The following RAB7A variants were observed in gnomAD, a reference collection of about 807,000 sequenced individuals.
The protein encoded by RAB7A is ras-related protein Rab-7a.
RAB7A carries 2 observed loss-of-function variants against 24.5 expected under a neutral mutation model. The observed-to-expected ratio is 0.08, with a 90% CI of 0.03 to 0.26. RAB7A has a LOEUF of 0.26. Ranked by LOEUF, RAB7A falls within the 10% of genes least tolerant of loss-of-function variation. The pLI is 1.00. For synonymous variants in RAB7A, 100 were observed against 95.9 expected, an observed-to-expected ratio of 1.04 and a Z score of -0.25; for missense variants, 118 against 255.7, an observed-to-expected ratio of 0.46 and a Z score of 3.67.
chr3:128,763,206 ATATTTTTTT>A (rs1325469424), intron 1 of RAB7A, among the ~76,000 whole-genome samples: 1 of 100,494 alleles, frequency 1.0e-5, no homozygotes, highest in East Asian at 2.5e-4. Context: ...ATATATATAT[ATATTTTTTT>A]TTTTTTTTTT....
At chr3:128,727,527 C>T (rs950119016) in intron 1 of RAB7A, among the ~76,000 whole-genome samples, 6 of 152,162 alleles carry the variant, frequency 3.9e-5, no homozygotes, top group Non-Finnish European at 8.8e-5. Context: ...ATGCCGTTTG[C>T]GACTTATCAC....
At chr3:128,775,074 G>A (rs553592973) in intron 1 of RAB7A, among the ~76,000 whole-genome samples, 6 of 152,326 alleles carry the variant, frequency 3.9e-5, no homozygotes, top group South Asian at 2.1e-4. Context: ...GAGCCACTGC[G>A]CCCGGCCGAC....
chr3:128,791,534 T>C (rs1933452503), intron 1 of RAB7A, among the ~76,000 whole-genome samples: 1 of 152,266 alleles, frequency 6.6e-6, no homozygotes, highest in African/African-American at 2.4e-5. Context: ...ATTTGACTTT[T>C]GTTTAACTTT....
intron 1 of RAB7A, among the ~76,000 whole-genome samples, chr3:128,762,535 G>A (rs2070783295): frequency 6.6e-6 from 1 of 152,140 alleles, no homozygotes; most frequent in Non-Finnish European, 1.5e-5. Context: ...AAGACCTGAA[G>A]GATTACTTAA....
At chr3:128,745,655 C>T (rs2070606304) in intron 1 of RAB7A, among the ~76,000 whole-genome samples, 1 of 152,228 alleles carries the variant, frequency 6.6e-6, no homozygotes, top group African/African-American at 2.4e-5. Flanking sequence ...CCTGAGCCAC[C>T]AGGCCCGGGT....
intron 1 of RAB7A, among the ~76,000 whole-genome samples, chr3:128,775,355 C>T (rs569800573): frequency 3.3e-5 from 5 of 152,306 alleles, no homozygotes; most frequent in Admixed American, 3.3e-4. Context: ...CGTTAGTCTC[C>T]ACCCTTCCTC....
chr3:128,810,497 G>GGAAGTGCC (rs1933900967), intron 5 of RAB7A, among the ~76,000 whole-genome samples: 1 of 152,314 alleles, frequency 6.6e-6, no homozygotes, highest in South Asian at 2.1e-4. Flanking sequence ...GGAAGTCCAT[G>GGAAGTGCC]AGCAAGGTGC....
At chr3:128,806,083 A>G (rs1266165240) in intron 3 of RAB7A, among the ~76,000 whole-genome samples, 2 of 152,228 alleles carry the variant, frequency 1.3e-5, no homozygotes, top group African/African-American at 4.8e-5. Context: ...CAAATTTTAC[A>G]CACTTACCTA....
chr3:128,784,071 G>A (rs985115525), intron 1 of RAB7A, among the ~76,000 whole-genome samples: 9 of 152,082 alleles, frequency 5.9e-5, no homozygotes, highest in South Asian at 2.1e-4. Context: ...TAGCACAGGC[G>A]TCTAGATAGA....
intron 1 of RAB7A, among the ~76,000 whole-genome samples, chr3:128,746,220 CA>C (rs1188081941): frequency 2.0e-5 from 3 of 152,132 alleles, no homozygotes; most frequent in Non-Finnish European, 2.9e-5. Flanking sequence ...CTCTGTTCAC[CA>C]TCAGTCTACT....
At position 128,795,238 on chromosome 3, in the gene RAB7A, A is replaced by G. The variant is rs1297005133; in HGVS notation, c.-8-122A>G. On this transcript the variant is annotated intron_variant, in intron 1 of 5. Coordinates refer to ENST00000265062, the MANE Select transcript of RAB7A (RefSeq NM_004637.6). ...ATCAGTGCCCCCTGGTGGAAGGAAGATACCTAGCAGGAAGGTTCAGGGCCC... is the reference window on the plus strand; with the variant it reads ...ATCAGTGCCCCCTGGTGGAAGGAAGGTACCTAGCAGGAAGGTTCAGGGCCC... 5 of 822,080 alleles carry G rather than the reference A, an allele frequency of 6.1e-6. No individual in the cohort carries two copies. The African/African-American group carries it at 8.4e-5, about 14-fold the overall frequency. 50.9% of individuals were successfully genotyped at this position (822,080 alleles called of 1,614,324 possible). A position where few individuals can be genotyped will look rare whatever the true frequency, so the allele number is the denominator to read the frequency against.
rs2107618449 is a variant in RAB7A at position 128,813,403 on chromosome 3, C to G, written c.605C>G (p.Ala202Gly). ...AAGAATGACCGGGCCAAGGCCTCGG[C>G]AGAAAGCTGCAGTTGCTGAGGGGGC... ...LDKNDRAKAS[A>G]ESCSC The change falls in exon 6 of 6, where the codon GCA becomes GGA. Residue 202 changes from alanine (A) to glycine (G), a missense_variant. This residue lies in a region of RAB7A where 66 missense variants were observed against 82.2 expected (regional missense o/e 0.80). Coordinates refer to ENST00000265062, the MANE Select transcript of RAB7A (RefSeq NM_004637.6). The G allele has an allele frequency of 6.2e-7, 1 of 1,614,214 alleles. No individual in the cohort carries two copies. Among genetic ancestry groups the G allele is most frequent in the Non-Finnish European group, 8.5e-7 (1 of 1,180,032 alleles).
intron 1 of RAB7A, among the ~76,000 whole-genome samples, chr3:128,727,748 C>G (rs1478911516): frequency 2.0e-5 from 3 of 152,188 alleles, no homozygotes; most frequent in Non-Finnish European, 4.4e-5. Flanking sequence ...TTGTCTCTTT[C>G]TTGTGACTTA....
intron 1 of RAB7A, among the ~76,000 whole-genome samples, chr3:128,767,272 T>C (rs763662290): frequency 1.3e-5 from 2 of 152,086 alleles, no homozygotes; most frequent in South Asian, 2.1e-4. Flanking sequence ...GTTGGGAAAG[T>C]GTGGCAAGGC....
Position 128,804,139 on chromosome 3 carries a change from A to G in RAB7A, c.181-2233A>G, listed in dbSNP as rs183835934. ...GCCCCCCCCCGCCCCCAGCATGTGC[A>G]GTTAGACTTCAACTTCAACTTATAG... On this transcript the variant is annotated intron_variant, in intron 3 of 5. Transcript: ENST00000265062. 3.1e-3 allele frequency among the ~76,000 whole-genome samples: 435 copies of G among 139,436 alleles called. 2 individuals carry two copies. The highest frequency in any genetic ancestry group is 0.011 in the African/African-American group (396 of 36,228). 91.5% of individuals were successfully genotyped at this position (139,436 alleles called of 152,430 possible).
chr3:128,759,813 G>C (rs1379115785), intron 1 of RAB7A, among the ~76,000 whole-genome samples: 1 of 152,056 alleles, frequency 6.6e-6, no homozygotes. Flanking sequence ...GGGTTCTAGC[G>C]ACTTCTCCTG....
At chr3:128,786,822 C>G (rs559929033) in intron 1 of RAB7A, among the ~76,000 whole-genome samples, 2 of 152,266 alleles carry the variant, frequency 1.3e-5, no homozygotes, top group African/African-American at 4.8e-5. Context: ...TCAGATTATG[C>G]TGACAGAGTG....
At chr3:128,784,710 C>A (rs114310976) in intron 1 of RAB7A, among the ~76,000 whole-genome samples, 1,917 of 152,262 alleles carry the variant, frequency 0.013, 40 homozygotes, top group African/African-American at 0.044. Flanking sequence ...CCCTTCATAT[C>A]CAGGTTCAGT....
intron 1 of RAB7A, among the ~76,000 whole-genome samples, chr3:128,751,384 A>G (rs2070679705): frequency 6.6e-6 from 1 of 152,176 alleles, no homozygotes; most frequent in Non-Finnish European, 1.5e-5. Context: ...GCCCAAGACC[A>G]TGGGAACCCA....
Sources: allele counts gnomAD v4.1 joint callset (sites outside exome capture counted in the v4.1 genomes callset), GRCh38; gene constraint gnomAD v4.1.1; regional missense constraint gnomAD v4.1.1; transcripts MANE v1.5; gene names NCBI Gene and HGNC (gene_info 2026-07-23, HGNC 2026-07-21).